Variants in AFG1L observed in about 807,000 individuals in gnomAD.
The protein encoded by AFG1L is AFG1-like ATPase.
AFG1L carries 53 observed loss-of-function variants against 62.2 expected under a neutral mutation model. The ratio of observed to expected loss-of-function variants is 0.85; its 90% confidence interval spans 0.68 to 1.07. AFG1L has a LOEUF of 1.07. AFG1L is among the 50% of genes least tolerant of loss of function. The pLI, the probability that AFG1L is intolerant of heterozygous loss-of-function variation, is 0.00. For synonymous variants in AFG1L, 228 were observed against 210.3 expected, an observed-to-expected ratio of 1.08 and a Z score of -0.73; for missense variants, 555 against 590.5, an observed-to-expected ratio of 0.94 and a Z score of 0.62.
rs190040774 is a variant in AFG1L at position 108,457,146 on chromosome 6, A to G, written c.890+9850A>G. Among the ~76,000 whole-genome samples the G allele has an allele frequency of 3.0e-4, 45 of 152,262 alleles. No individual in the cohort carries two copies. In the East Asian group the frequency reaches 8.3e-3, roughly 28 times the overall value. On this transcript the variant is annotated intron_variant, in intron 8 of 12. Coordinates refer to ENST00000368977, the MANE Select transcript of AFG1L (RefSeq NM_145315.5). ...TGTGTTATCTGTTGTTACCAGTTTA[A>G]TACTATAAGATGTGGTCTTTGTTCC...
At chr6:108,469,762 G>C (rs889993995) in intron 8 of AFG1L, among the ~76,000 whole-genome samples, 1 of 152,158 alleles carries the variant, frequency 6.6e-6, no homozygotes, top group African/African-American at 2.4e-5. Flanking sequence ...AGGATTTTGA[G>C]TTATTTGCAC....
At position 108,350,510 on chromosome 6, in the gene AFG1L, G is replaced by C. The variant is rs138478580; in HGVS notation, c.415+3471G>C. Among the ~76,000 whole-genome samples the C allele has an allele frequency of 3.3e-4, 50 of 152,236 alleles. 1 individual carries two copies. In the East Asian group the frequency reaches 9.4e-3, roughly 29 times the overall value. On this transcript the variant is annotated intron_variant, in intron 3 of 12. Coordinates refer to ENST00000368977, the MANE Select transcript of AFG1L (RefSeq NM_145315.5). Reference sequence around the variant, plus strand: ...AGATGGATTCTAAATCCTGGGAACTGCAGTAGGGTTGATGTATGAGTTGGA... The same window carrying C: ...AGATGGATTCTAAATCCTGGGAACTCCAGTAGGGTTGATGTATGAGTTGGA...
intron 1 of AFG1L, among the ~76,000 whole-genome samples, chr6:108,296,800 T>A (rs1036239538): frequency 1.3e-5 from 2 of 152,306 alleles, no homozygotes; most frequent in Admixed American, 6.5e-5. Flanking sequence ...TTATAACATA[T>A]AAAATTCACT....
intron 6 of AFG1L, chr6:108,387,965 G>T (rs1780848468): frequency 6.6e-6 from 1 of 151,624 alleles, no homozygotes; most frequent in African/African-American, 2.4e-5. Flanking sequence ...GAACTTAAAT[G>T]AACTCTTTAA....
Position 108,456,531 on chromosome 6 carries a change from A to G in AFG1L, c.890+9235A>G, listed in dbSNP as rs534998374. Among the ~76,000 whole-genome samples, 12 of 152,170 alleles carry G rather than the reference A, an allele frequency of 7.9e-5. No homozygotes were observed. In the South Asian group the frequency reaches 2.3e-3, roughly 29 times the overall value. ...GATACAATTCACTCTTTTAAAGTCT[A>G]TAACTCAGTGGTTTGTTAGTATATT... On this transcript the variant is annotated intron_variant, in intron 8 of 12. Transcript: ENST00000368977.
At chr6:108,382,878 C>T (rs373348371) in intron 6 of AFG1L, among the ~76,000 whole-genome samples, 27 of 152,178 alleles carry the variant, frequency 1.8e-4, no homozygotes, top group East Asian at 3.8e-4. Flanking sequence ...ATTATATACA[C>T]GTGCTTAAGA....
At chr6:108,407,969 A>T (rs917670053) in intron 7 of AFG1L, among the ~76,000 whole-genome samples, 1 of 152,038 alleles carries the variant, frequency 6.6e-6, no homozygotes, top group Admixed American at 6.6e-5. Context: ...CCTGGTTGTG[A>T]GTCCTATTTT....
intron 8 of AFG1L, among the ~76,000 whole-genome samples, chr6:108,447,854 A>G (rs7762665): frequency 0.13 from 19,409 of 152,184 alleles, 1,492 homozygotes; most frequent in South Asian, 0.22. Context: ...AAAAACAAAT[A>G]TAGTTTGTTT....
chr6:108,317,908 T>G (rs146688690), intron 1 of AFG1L, among the ~76,000 whole-genome samples: 2 of 152,314 alleles, frequency 1.3e-5, no homozygotes, highest in Non-Finnish European at 2.9e-5. Flanking sequence ...TTCAGTTTAT[T>G]ATATATTATT....
intron 5 of AFG1L, among the ~76,000 whole-genome samples, chr6:108,360,814 T>C (rs1268962021): frequency 6.6e-6 from 1 of 152,212 alleles, no homozygotes; most frequent in East Asian, 1.9e-4. Context: ...AATCTCTACT[T>C]ATCCCCCTTC....
At chr6:108,360,212 C>T (rs1193255546) in intron 5 of AFG1L, among the ~76,000 whole-genome samples, 1 of 152,210 alleles carries the variant, frequency 6.6e-6, no homozygotes, top group African/African-American at 2.4e-5. Context: ...TCAAACCCTT[C>T]TGCTTCCTCT....
Position 108,447,271 on chromosome 6 carries a change from C to A in AFG1L, c.865C>A (p.Pro289Thr). Reference sequence around the variant, plus strand: ...GATAGATTACCGGAAAAGGGAACTTCCTGCTGCAGGAAAACTCTACTACCT... The same window carrying A: ...GATAGATTACCGGAAAAGGGAACTTACTGCTGCAGGAAAACTCTACTACCT... ...SGIDYRKREL[P>T]AAGKLYYLTS... Residue 289 changes from proline (P) to threonine (T), a missense_variant, in exon 8 of 13, where the codon CCT (proline) becomes ACT (threonine). Transcript: ENST00000368977. The A allele has an allele frequency of 6.2e-7, 1 of 1,606,336 alleles. No individual in the cohort carries two copies. Among genetic ancestry groups the A allele is most frequent in the South Asian group, 1.1e-5 (1 of 90,846 alleles).
chr6:108,349,642 A>G (rs1343677198), intron 3 of AFG1L, among the ~76,000 whole-genome samples: 1 of 152,138 alleles, frequency 6.6e-6, no homozygotes, highest in Non-Finnish European at 1.5e-5. Flanking sequence ...AAGGCTGGGC[A>G]TGGTGGCTCA....
chr6:108,501,387 A>G (rs1774196025), intron 10 of AFG1L, among the ~76,000 whole-genome samples: 1 of 152,152 alleles, frequency 6.6e-6, no homozygotes, highest in African/African-American at 2.4e-5. Flanking sequence ...GTAATGGTTG[A>G]CTCTCTGTAA....
At chr6:108,379,774 C>T (rs1283563) in intron 6 of AFG1L, among the ~76,000 whole-genome samples, 10,437 of 152,230 alleles carry the variant, frequency 0.069, 1,132 homozygotes, top group African/African-American at 0.23. Flanking sequence ...AGATGCCTGG[C>T]GCACTGCCTG....
intron 10 of AFG1L, 111 bp downstream of exon 10, chr6:108,477,403 C>A (rs556017538): frequency 1.6e-5 from 9 of 570,308 alleles, no homozygotes; most frequent in South Asian, 4.5e-5. Flanking sequence ...GAGTCAGAAT[C>A]GATTTAAAAG....
intron 2 of AFG1L, among the ~76,000 whole-genome samples, chr6:108,333,473 T>C (rs1049869834): frequency 2.6e-5 from 4 of 151,858 alleles, no homozygotes; most frequent in Non-Finnish European, 5.9e-5. Flanking sequence ...CCAGGTGCAA[T>C]GGCTCACGCC....
At chr6:108,361,358 A>G (rs1166928926) in intron 5 of AFG1L, among the ~76,000 whole-genome samples, 1 of 152,194 alleles carries the variant, frequency 6.6e-6, no homozygotes, top group Admixed American at 6.5e-5. Context: ...AAGATTGATT[A>G]TTTACAGATG....
intron 1 of AFG1L, among the ~76,000 whole-genome samples, chr6:108,309,717 T>A (rs957117032): frequency 2.6e-5 from 4 of 152,202 alleles, no homozygotes; most frequent in African/African-American, 9.6e-5. Flanking sequence ...ATATTTCCAA[T>A]GAAAATTTAG....
Sources: allele counts gnomAD v4.1 joint callset (sites outside exome capture counted in the v4.1 genomes callset), GRCh38; gene constraint gnomAD v4.1.1; transcripts MANE v1.5; gene names NCBI Gene and HGNC (gene_info 2026-07-23, HGNC 2026-07-21).